CTNNA3: variants seen among roughly 807,000 people sequenced by gnomAD.
CTNNA3 encodes the protein catenin alpha-3.
CTNNA3 carries 76 observed loss-of-function variants against 95.7 expected under a neutral mutation model. The ratio of observed to expected loss-of-function variants is 0.79; its 90% CI spans 0.66 to 0.96. The LOEUF (loss-of-function observed/expected upper bound fraction) is 0.96. Ranked by LOEUF, CTNNA3 falls within the 40% of genes least tolerant of loss-of-function variation. The pLI is 0.00. For missense variants in CTNNA3, 1,191 were observed against 1,089.8 expected (o/e 1.09, Z -1.31); for synonymous variants, 431 against 374.4 (o/e 1.15, Z -1.74).
chr10:67,321,552 C>A lies in CTNNA3; in HGVS notation c.580-101682G>T, dbSNP rs116841669. Among the ~76,000 whole-genome samples the A allele has an allele frequency of 8.0e-3, 1,214 of 152,284 alleles. 43 individuals are homozygous for A. The South Asian group carries it at 0.098, about 12-fold the overall frequency. ...AAGAAATCCACATCAGATCCCAACA[C>A]AGACCATAATCTTTTGACCATACCA... is the stretch of plus-strand genomic sequence containing the variant. On this transcript the variant is annotated intron_variant, in intron 5 of 17. Coordinates refer to ENST00000433211, the MANE Select transcript of CTNNA3 (RefSeq NM_013266.4).
At chr10:67,665,151 G>C (rs1309331268) in intron 1 of CTNNA3, among the ~76,000 whole-genome samples, 1 of 152,138 alleles carries the variant, frequency 6.6e-6, no homozygotes, top group Non-Finnish European at 1.5e-5. Context: ...ATTGGCACAT[G>C]AGAATCTGTT....
At chr10:66,552,451 C>T (rs1842249759) in intron 10 of CTNNA3, among the ~76,000 whole-genome samples, 1 of 152,104 alleles carries the variant, frequency 6.6e-6, no homozygotes, top group Admixed American at 6.5e-5. Context: ...TGTAAAATTG[C>T]TTCTCCAAGT....
chr10:66,796,001 T>G (rs1388562528), intron 7 of CTNNA3, among the ~76,000 whole-genome samples: 1 of 152,146 alleles, frequency 6.6e-6, no homozygotes, highest in Non-Finnish European at 1.5e-5. Flanking sequence ...TGTGGCTGGT[T>G]TGATCTTTTA....
At chr10:67,049,605 G>T (rs1054789253) in intron 7 of CTNNA3, among the ~76,000 whole-genome samples, 1 of 151,950 alleles carries the variant, frequency 6.6e-6, no homozygotes, top group Admixed American at 6.6e-5. Flanking sequence ...ACAAAAAAGG[G>T]AAAATAAACA....
intron 13 of CTNNA3, among the ~76,000 whole-genome samples, chr10:66,126,439 C>T (rs187120285): frequency 5.7e-4 from 87 of 152,258 alleles, no homozygotes; most frequent in African/African-American, 2.0e-3. Context: ...AGTTAGTATG[C>T]ACACATATAT....
chr10:66,437,901 T>C (rs1427592627), intron 11 of CTNNA3, among the ~76,000 whole-genome samples: 1 of 152,084 alleles, frequency 6.6e-6, no homozygotes, highest in African/African-American at 2.4e-5. Context: ...TCCTTTTTGT[T>C]GATGTTGATG....
In CTNNA3 at chr10:66,036,862, A is replaced by ATT. The variant is rs57081880; in HGVS notation, c.2159+32444_2159+32445dup. On this transcript the variant is annotated intron_variant, in intron 15 of 17. Coordinates refer to ENST00000433211, the MANE Select transcript of CTNNA3 (RefSeq NM_013266.4). Reference sequence around the variant, plus strand: ...GCATAAAATTTATATAGTAGTTCCAATTTTTTTTTTTTTTTTTTTTTTTTT... The same window carrying ATT: ...GCATAAAATTTATATAGTAGTTCCAATTTTTTTTTTTTTTTTTTTTTTTTTTT... Among the ~76,000 whole-genome samples the ATT allele has an allele frequency of 6.8e-3, 653 of 95,692 alleles. 56 individuals carry two copies. The highest frequency in any genetic ancestry group is 0.011 in the Non-Finnish European group (552 of 51,144). The allele number at this position is 95,692 out of a possible 152,430, so 62.8% of individuals were successfully genotyped here.
intron 12 of CTNNA3, among the ~76,000 whole-genome samples, chr10:66,337,765 T>G (rs926511114): frequency 6.6e-6 from 1 of 152,054 alleles, no homozygotes; most frequent in Non-Finnish European, 1.5e-5. Flanking sequence ...TGAACAAGAA[T>G]GTAAAGAAAT....
At chr10:67,004,145 G>A (rs1352195396) in intron 7 of CTNNA3, among the ~76,000 whole-genome samples, 1 of 151,650 alleles carries the variant, frequency 6.6e-6, no homozygotes, top group East Asian at 1.9e-4. Context: ...CTGTGTATCA[G>A]CCATGTATTT....
At chr10:66,861,458 G>T (rs773453155) in intron 7 of CTNNA3, among the ~76,000 whole-genome samples, 8 of 152,164 alleles carry the variant, frequency 5.3e-5, no homozygotes, top group Non-Finnish European at 8.8e-5. Flanking sequence ...AGCCCTGCAT[G>T]TAATGGAATG....
intron 9 of CTNNA3, among the ~76,000 whole-genome samples, chr10:66,687,894 T>C (rs1456730795): frequency 6.6e-6 from 1 of 152,112 alleles, no homozygotes; most frequent in African/African-American, 2.4e-5. Flanking sequence ...AAAATGATAT[T>C]GAGGTCAATT....
intron 14 of CTNNA3, among the ~76,000 whole-genome samples, chr10:66,085,283 G>A (rs2080938150): frequency 6.6e-6 from 1 of 152,088 alleles, no homozygotes; most frequent in South Asian, 2.1e-4. Context: ...AAACAAGGAA[G>A]AGAAGATGGA....
chr10:65,971,450 G>A lies in CTNNA3; in HGVS notation c.2266-4704C>T, dbSNP rs113307741. ...CTAGATTAACAAAGAAAAAAAGAGA[G>A]AGGATTCAAATAAGCACAGTCAGAA... is the stretch of plus-strand genomic sequence containing the variant. On this transcript the variant is annotated intron_variant, in intron 16 of 17. Transcript: ENST00000433211. Among the ~76,000 whole-genome samples, 826 of 148,484 alleles carry A rather than the reference G, an allele frequency of 5.6e-3. 7 individuals are homozygous for A. Among genetic ancestry groups the A allele is most frequent in the African/African-American group, 0.02 (789 of 40,240 alleles).
intron 7 of CTNNA3, among the ~76,000 whole-genome samples, chr10:66,843,055 C>T (rs12763021): frequency 0.09 from 13,720 of 152,120 alleles, 676 homozygotes; most frequent in African/African-American, 0.12. Flanking sequence ...AACTCTCTCC[C>T]CTAGACAGAG....
Position 66,455,054 on chromosome 10 carries a change from T to C in CTNNA3, c.1531+65563A>G, listed in dbSNP as rs1248554948. The stretch of plus-strand genomic sequence containing the variant: ...TTTTTTTCAGGAAAAATATGTAAAA[T>C]TCAGTGTTCATTCATTATAGAAATT... On this transcript the variant is annotated intron_variant, in intron 11 of 17. Coordinates refer to ENST00000433211, the MANE Select transcript of CTNNA3 (RefSeq NM_013266.4). 2.0e-5 allele frequency among the ~76,000 whole-genome samples: 3 copies of C among 152,096 alleles called. No homozygotes were observed. The East Asian group carries it at 5.8e-4, about 29-fold the overall frequency.
chr10:67,449,439 A>T (rs966440996), intron 5 of CTNNA3, among the ~76,000 whole-genome samples: 3 of 152,296 alleles, frequency 2.0e-5, no homozygotes, highest in Admixed American at 2.0e-4. Context: ...ACTATACTAC[A>T]GGGCTATAGT....
chr10:67,740,873 A>C (rs369981717), intron 1 of CTNNA3, among the ~76,000 whole-genome samples: 1 of 151,304 alleles, frequency 6.6e-6, no homozygotes, highest in Non-Finnish European at 1.5e-5. Flanking sequence ...TGTTTATTGC[A>C]GCACTATTCA....
intron 11 of CTNNA3, among the ~76,000 whole-genome samples, chr10:66,409,968 C>T (rs962933467): frequency 4.6e-5 from 7 of 152,186 alleles, no homozygotes; most frequent in Non-Finnish European, 8.8e-5. Context: ...AATTCTCTCT[C>T]CCTACCAGTT....
intron 1 of CTNNA3, among the ~76,000 whole-genome samples, chr10:67,729,534 T>C (rs944158303): frequency 1.3e-5 from 2 of 152,086 alleles, no homozygotes; most frequent in African/African-American, 4.8e-5. Flanking sequence ...AAGAACACAA[T>C]AGGCAGGAAG....
Sources: gnomAD v4.1 joint callset for allele counts (sites outside exome capture counted in the v4.1 genomes callset) on GRCh38, gnomAD v4.1.1 for gene constraint, MANE v1.5 for transcripts, NCBI Gene and HGNC (gene_info 2026-07-23, HGNC 2026-07-21) for gene names.